The following MGA variants were observed in gnomAD, a reference collection of about 807,000 sequenced individuals.
MGA encodes MAX gene-associated protein.
Under a neutral mutation model 261.1 loss-of-function variants are expected in MGA, and 40 were observed. The ratio of observed to expected loss-of-function variants is 0.15; its 90% CI spans 0.12 to 0.20. The LOEUF (loss-of-function observed/expected upper bound fraction) is 0.20. Ranked by LOEUF, MGA falls within the 10% of genes least tolerant of loss-of-function variation. The probability of loss-of-function intolerance (pLI) is 1.00; values close to 1 mark genes in which losing one functional copy is unlikely to be tolerated. For missense variants in MGA, 3,397 were observed against 3,630.5 expected, an observed-to-expected ratio of 0.94 and a Z score of 1.65; for synonymous variants, 1,302 against 1,290.6, an observed-to-expected ratio of 1.01 and a Z score of -0.19.
At chr15:41,756,407 T>G (rs943426855) in intron 18 of MGA, among the ~76,000 whole-genome samples, 1 of 152,204 alleles carries the variant, frequency 6.6e-6, no homozygotes, top group South Asian at 2.1e-4. Flanking sequence ...AGTGGAGATT[T>G]CTGGTGGTAC....
In MGA at chr15:41,696,353, G is replaced by A; in HGVS notation, c.1343G>A (p.Ser448Asn). Residue 448 changes from serine (S) to asparagine (N), a missense_variant, in exon 3 of 24, where the codon AGC becomes AAC. By Grantham distance (46) the Ser-to-Asn change is conservative. Transcript: ENST00000219905. ...CATCTATCTTCTAAATGGCTTCCAA[G>A]CAGCCCATCAGGTGTTGCTAAAGCT... 6.2e-7 allele frequency: 1 copy of A among 1,613,938 alleles called. No individual in the cohort carries two copies. Among genetic ancestry groups the A allele is most frequent in the South Asian group, 1.1e-5 (1 of 91,084 alleles).
At chr15:41,673,008 G>A (rs2058153779) in intron 2 of MGA, among the ~76,000 whole-genome samples, 1 of 151,862 alleles carries the variant, frequency 6.6e-6, no homozygotes, top group East Asian at 1.9e-4. Context: ...CTACATTTGC[G>A]GTTGCTTGAC....
chr15:41,713,468 GAAA>G lies in MGA; in HGVS notation c.3405_3407del (p.Lys1137del). Reference sequence around the variant, plus strand: ...GGGAGGAGGAGGAACAATTGAAAGAGAAAAAGAAGAGAAAGAAGCTAGAATACA... The same window carrying G: ...GGGAGGAGGAGGAACAATTGAAAGAGAAGAAGAGAAAGAAGCTAGAATACA... On this transcript the variant is annotated inframe_deletion, in exon 9 of 24. Coordinates refer to ENST00000219905, the MANE Select transcript of MGA (RefSeq NM_001164273.2). 6.5e-7 allele frequency: 1 copy of G among 1,549,536 alleles called. No homozygotes were observed. The highest frequency in any genetic ancestry group is 8.7e-7 in the Non-Finnish European group (1 of 1,147,128).
At position 41,748,753 on chromosome 15, in the gene MGA, G is replaced by A; in HGVS notation, c.5329G>A (p.Val1777Ile). 1 of 1,613,898 alleles carries A rather than the reference G, an allele frequency of 6.2e-7. No individual in the cohort carries two copies. The highest frequency in any genetic ancestry group is 8.5e-7 in the Non-Finnish European group (1 of 1,179,880). ...GCAGGGTTCTCCTACTCTTAGACCTGTCTCAAACACACAACTTCAGGGACA... is the reference window on the plus strand; with the variant it reads ...GCAGGGTTCTCCTACTCTTAGACCTATCTCAAACACACAACTTCAGGGACA... Residue 1777 changes from valine to isoleucine, a missense_variant, in exon 16 of 24, where the codon GTC (valine) becomes ATC (isoleucine). Physicochemically the swap from Val to Ile is conservative, Grantham distance 29 (BLOSUM62 3). Transcript: ENST00000219905.
intron 14 of MGA, among the ~76,000 whole-genome samples, chr15:41,741,615 G>A (rs1173814188): frequency 6.6e-6 from 1 of 152,134 alleles, no homozygotes; most frequent in African/African-American, 2.4e-5. Context: ...TCTGTATTAG[G>A]TGATGAAGTT....
In MGA at chr15:41,749,166, A is replaced by G. The variant is rs760847529; in HGVS notation, c.5559A>G (p.Pro1853=). The G allele has an allele frequency of 1.6e-5, 26 of 1,614,026 alleles. No individual in the cohort carries two copies. Among genetic ancestry groups the G allele is most frequent in the East Asian group, 6.7e-5 (3 of 44,886 alleles). Residue 1853 remains proline (P), a synonymous_variant, in exon 17 of 24, where the codon CCA becomes CCG. Coordinates refer to ENST00000219905, the MANE Select transcript of MGA (RefSeq NM_001164273.2). ...CTTCCAAACCCTCTGAGACTCCGCC[A>G]TCTTCCACTTCGTCCTCTGCTTTCT...
chr15:41,642,469 C>A (rs956551550), intron 1 of MGA, among the ~76,000 whole-genome samples: 44 of 151,646 alleles, frequency 2.9e-4, no homozygotes, highest in African/African-American at 9.9e-4. Flanking sequence ...GCCACTACTC[C>A]CAGCTAATTT....
intron 12 of MGA, among the ~76,000 whole-genome samples, chr15:41,735,324 G>T (rs2061712722): frequency 6.6e-6 from 1 of 152,208 alleles, no homozygotes; most frequent in Non-Finnish European, 1.5e-5. Context: ...GCCATGGAAA[G>T]AATACTTTGG....
intron 13 of MGA, among the ~76,000 whole-genome samples, chr15:41,738,778 G>A (rs1393366175): frequency 6.6e-6 from 1 of 152,162 alleles, no homozygotes; most frequent in Non-Finnish European, 1.5e-5. Context: ...ACCTATTTCT[G>A]TATAGCCTGA....
At position 41,767,479 on chromosome 15, in the gene MGA, G is replaced by T; in HGVS notation, c.*199G>T. On this transcript the variant is annotated 3_prime_UTR_variant, in exon 24 of 24. Transcript: ENST00000219905. The stretch of plus-strand genomic sequence containing the variant: ...TGAAATTCTGATCATGTTAAAATGT[G>T]TTACCTCACTTGTGGTGCTGGGTCC... 1 of 611,620 alleles carries T rather than the reference G, an allele frequency of 1.6e-6. No homozygotes were observed. The highest frequency in any genetic ancestry group is 2.2e-5 in the South Asian group (1 of 46,120). 37.9% of individuals were successfully genotyped at this position (611,620 alleles called of 1,614,324 possible). A position where few individuals can be genotyped will look rare whatever the true frequency, so the allele number is the denominator to read the frequency against.
chr15:41,683,345 C>A (rs1032183210), intron 2 of MGA, among the ~76,000 whole-genome samples: 1 of 151,822 alleles, frequency 6.6e-6, no homozygotes, highest in Admixed American at 6.6e-5. Flanking sequence ...ACCTCAGCCT[C>A]CTGAGTAGTT....
intron 1 of MGA, among the ~76,000 whole-genome samples, chr15:41,651,284 CTTAT>C (rs1204226998): frequency 6.6e-6 from 1 of 152,168 alleles, no homozygotes; most frequent in African/African-American, 2.4e-5. Context: ...GACCATAGTA[CTTAT>C]GAGATAAGTT....
chr15:41,638,102 G>A (rs896868421), intron 1 of MGA, among the ~76,000 whole-genome samples: 3 of 133,652 alleles, frequency 2.2e-5, no homozygotes, highest in African/African-American at 8.4e-5. Context: ...GAGTGCAGTG[G>A]TGAGATCTCG....
chr15:41,644,895 G>A (rs972493593), intron 1 of MGA, among the ~76,000 whole-genome samples: 1 of 152,186 alleles, frequency 6.6e-6, no homozygotes, highest in African/African-American at 2.4e-5. Context: ...GGGCCACATA[G>A]TAAGTATTTT....
chr15:41,664,991 C>A (rs1403485579), intron 1 of MGA, among the ~76,000 whole-genome samples: 1 of 152,120 alleles, frequency 6.6e-6, no homozygotes. Context: ...CCTGACCTTT[C>A]CTGATATTAG....
intron 2 of MGA, among the ~76,000 whole-genome samples, chr15:41,678,177 G>T (rs2058483227): frequency 6.7e-6 from 1 of 149,360 alleles, no homozygotes; most frequent in Admixed American, 6.7e-5. Flanking sequence ...TGCAACCTGT[G>T]CCTCCCAGGT....
At chr15:41,743,979 A>G (rs1226104033) in intron 15 of MGA, among the ~76,000 whole-genome samples, 1 of 152,216 alleles carries the variant, frequency 6.6e-6, no homozygotes, top group East Asian at 1.9e-4. Context: ...AGAGGAACTA[A>G]TATGGAAAAG....
At chr15:41,661,943 C>T (rs887688711) in intron 1 of MGA, among the ~76,000 whole-genome samples, 1 of 152,046 alleles carries the variant, frequency 6.6e-6, no homozygotes, top group Non-Finnish European at 1.5e-5. Context: ...GACTCTTCCC[C>T]GGAAGAGCTT....
intron 1 of MGA, among the ~76,000 whole-genome samples, chr15:41,630,773 G>C (rs2056571962): frequency 6.6e-6 from 1 of 152,140 alleles, no homozygotes; most frequent in African/African-American, 2.4e-5. Flanking sequence ...TATTTTAACA[G>C]TACACGTGTA....
Sources: gnomAD v4.1 joint callset for allele counts (sites outside exome capture counted in the v4.1 genomes callset) on GRCh38, gnomAD v4.1.1 for gene constraint, MANE v1.5 for transcripts, NCBI Gene and HGNC (gene_info 2026-07-23, HGNC 2026-07-21) for gene names.